The following PYURF variants were observed in gnomAD, a reference collection of about 807,000 sequenced individuals.
The protein encoded by PYURF is protein preY, mitochondrial.
In PYURF, 9 loss-of-function variants were observed where a neutral mutation model predicts 8.0. That is an observed-to-expected ratio of 1.13 (90% CI 0.68 to 1.97). PYURF has a LOEUF of 1.97. Ranked by LOEUF, PYURF falls within the 30% of genes most tolerant of loss-of-function variation. The probability of loss-of-function intolerance (pLI) is 0.00; values close to 1 mark genes in which losing one functional copy is unlikely to be tolerated. For synonymous variants in PYURF, 56 were observed against 68.3 expected, an observed-to-expected ratio of 0.82 and a Z score of 0.89; for missense variants, 130 against 158.0, an observed-to-expected ratio of 0.82 and a Z score of 0.95.
At position 88,521,717 on chromosome 4, in the gene PYURF, A is replaced by G. The variant is rs1742373640; in HGVS notation, c.*171T>C. 1 of 1,613,848 alleles carries G rather than the reference A, an allele frequency of 6.2e-7. No individual in the cohort carries two copies. The highest frequency in any genetic ancestry group is 8.5e-7 in the Non-Finnish European group (1 of 1,179,862). On this transcript the variant is annotated 3_prime_UTR_variant, in exon 2 of 2. Transcript: ENST00000273968. ...CCCTGTGGGAAGTTTTCTTCCACAG[A>G]GGCTGAGTAGAACAGTCCTGCTAAA...
chr4:88,523,711 C>T lies in PYURF; in HGVS notation c.-11G>A. On this transcript the variant is annotated 5_prime_UTR_variant, in exon 1 of 2. Coordinates refer to ENST00000273968, the MANE Select transcript of PYURF (RefSeq NM_032906.5). ...TGCTCCACTCAGCATGGTCTGGCAG[C>T]CGGAGACCAGGCCTCACCGCAGCCT... The T allele has an allele frequency of 1.4e-6, 2 of 1,456,390 alleles. No individual in the cohort carries two copies. Among genetic ancestry groups the T allele is most frequent in the South Asian group, 2.8e-5 (2 of 71,220 alleles). 90.2% of individuals were successfully genotyped at this position (1,456,390 alleles called of 1,614,324 possible).
intron 1 of PYURF, among the ~76,000 whole-genome samples, chr4:88,522,782 G>A (rs1742416753): frequency 6.6e-6 from 1 of 152,190 alleles, no homozygotes; most frequent in African/African-American, 2.4e-5. Flanking sequence ...AAACCTGCTA[G>A]GCCACAACTA....
Position 88,521,443 on chromosome 4 carries a change from CCA to C in PYURF, c.*443_*444del. 1 of 786,362 alleles carries C rather than the reference CCA, an allele frequency of 1.3e-6. No homozygotes were observed. Among genetic ancestry groups the C allele is most frequent in the South Asian group, 1.9e-5 (1 of 51,374 alleles). 48.7% of individuals were successfully genotyped at this position (786,362 alleles called of 1,614,324 possible). A position where few individuals can be genotyped will look rare whatever the true frequency, so the allele number is the denominator to read the frequency against. ...AAGAAGCATCTGCAACTTAAGCCTC[CCA>C]CAGTCCTAAGCCTGATATGCGCAAA... is the stretch of plus-strand genomic sequence containing the variant. On this transcript the variant is annotated 3_prime_UTR_variant, in exon 2 of 2. Transcript: ENST00000273968.
intron 1 of PYURF, 118 bp downstream of exon 1, chr4:88,523,380 G>T: frequency 9.5e-7 from 1 of 1,050,970 alleles, no homozygotes; most frequent in Non-Finnish European, 1.4e-6. Flanking sequence ...CCAGAATGTG[G>T]CAGCGGAGAG....
rs1344307872 is a variant in PYURF, at chr4:88,523,548, A to C, written c.153T>G (p.Asp51Glu). Reference sequence around the variant, plus strand: ...ACACCAGGAACTCCAGCAGCGCCGGATCGAAGTCGCGGGGCGGCTCCTCAG... The same window carrying C: ...ACACCAGGAACTCCAGCAGCGCCGGCTCGAAGTCGCGGGGCGGCTCCTCAG... ...KKTEEPPRDF[D>E]PALLEFLVCP... is the part of the protein sequence containing the mutation. The change falls in exon 1 of 2, where the codon GAT becomes GAG. Residue 51 changes from aspartate (D) to glutamate (E), a missense_variant. By Grantham distance (45) the Asp-to-Glu change is conservative. Transcript: ENST00000273968. The C allele has an allele frequency of 6.4e-7, 1 of 1,551,088 alleles. No individual in the cohort carries two copies.
chr4:88,521,816 C>A lies in PYURF; in HGVS notation c.*72G>T. ...CTTCTCTTCCACTTATTACCTGCCA[C>A]TGTGTTTTAAAAGGTATATGGTATT... On this transcript the variant is annotated 3_prime_UTR_variant, in exon 2 of 2. Coordinates refer to ENST00000273968, the MANE Select transcript of PYURF (RefSeq NM_032906.5). 2 of 1,597,710 alleles carry A rather than the reference C, an allele frequency of 1.3e-6. No individual in the cohort carries two copies.
At chr4:88,523,108 G>GA (rs200779771) in intron 1 of PYURF, among the ~76,000 whole-genome samples, 36 of 124,484 alleles carry the variant, frequency 2.9e-4, no homozygotes, top group African/African-American at 6.1e-4. Context: ...CTCTTAAAAG[G>GA]AAAAAAAAAA....
intron 1 of PYURF, 115 bp downstream of exon 1, chr4:88,523,383 G>C (rs1742449983): frequency 9.3e-7 from 1 of 1,079,060 alleles, no homozygotes; most frequent in Non-Finnish European, 1.4e-6. Flanking sequence ...GAATGTGGCA[G>C]CGGAGAGTAC....
intron 1 of PYURF, among the ~76,000 whole-genome samples, chr4:88,522,915 G>C (rs1237754546): frequency 6.6e-6 from 1 of 152,124 alleles, no homozygotes; most frequent in Non-Finnish European, 1.5e-5. Flanking sequence ...CTTAAAAACC[G>C]GAAGGCTTCG....
Position 88,521,926 on chromosome 4 carries a change from G to C in PYURF, c.307C>G (p.Arg103Gly). Residue 103 changes from arginine to glycine, a missense_variant, in exon 2 of 2, where the codon CGT becomes GGT. Physicochemically the swap from Arg to Gly is moderately radical, Grantham distance 125. Coordinates refer to ENST00000273968, the MANE Select transcript of PYURF (RefSeq NM_032906.5). ...NMIPQAARMT[R>G]QSKKQEEVEQ... Reference sequence around the variant, plus strand: ...ACTTCTTCTTGCTTCTTACTTTGACGTGTCATCCTAGCTGCCTGTGGTATC... The same window carrying C: ...ACTTCTTCTTGCTTCTTACTTTGACCTGTCATCCTAGCTGCCTGTGGTATC... The C allele has an allele frequency of 1.3e-6, 2 of 1,551,118 alleles. No homozygotes were observed. The highest frequency in any genetic ancestry group is 1.7e-6 in the Non-Finnish European group (2 of 1,146,870).
intron 1 of PYURF, among the ~76,000 whole-genome samples, chr4:88,523,219 G>C (rs937558379): frequency 6.6e-6 from 1 of 152,206 alleles, no homozygotes; most frequent in Admixed American, 6.5e-5. Flanking sequence ...AACGGTCCCC[G>C]GGTGATTGCA....
At chr4:88,522,206 C>A (rs1365322731) in intron 1 of PYURF, among the ~76,000 whole-genome samples, 177 bp from the exon 2 acceptor site, 2 of 152,202 alleles carry the variant, frequency 1.3e-5, no homozygotes, top group African/African-American at 2.4e-5. Context: ...TAGAAAAATT[C>A]TCTTACAATC....
In PYURF at chr4:88,521,855, T is replaced by C. The variant is rs1386019529; in HGVS notation, c.*33A>G. The C allele has an allele frequency of 1.9e-6, 3 of 1,551,830 alleles. No homozygotes were observed. The highest frequency in any genetic ancestry group is 2.4e-5 in the East Asian group (1 of 41,908). The stretch of plus-strand genomic sequence containing the variant: ...GTATATGGTATTAAGAAAAGTTGGC[T>C]GTTGCGTTTTTTTAATTTTTTTAAA... On this transcript the variant is annotated 3_prime_UTR_variant, in exon 2 of 2. Transcript: ENST00000273968.
Position 88,521,892 on chromosome 4 carries a change from C to T in PYURF, c.341G>A (p.Arg114His), listed in dbSNP as rs1313767900. ...QSKKQEEVEQ[R>H] ...TTAATTTTTTTAAATTATGAACTAG[C>T]GCTGCTCCACTTCTTCTTGCTTCTT... The change falls in exon 2 of 2, where the codon CGC (arginine) becomes CAC (histidine). Residue 114 changes from arginine (R) to histidine (H), a missense_variant. Coordinates refer to ENST00000273968, the MANE Select transcript of PYURF (RefSeq NM_032906.5). 1.5e-5 allele frequency: 23 copies of T among 1,550,216 alleles called. No individual in the cohort carries two copies. Among genetic ancestry groups the T allele is most frequent in the South Asian group, 1.4e-4 (12 of 83,582 alleles).
At position 88,523,678 on chromosome 4, in the gene PYURF, C is replaced by T; in HGVS notation, c.23G>A (p.Arg8Lys). Residue 8 changes from arginine to lysine, a missense_variant, in exon 1 of 2, where the codon AGG (arginine) becomes AAG (lysine). Arg to Lys is a conservative substitution (Grantham distance 26, BLOSUM62 2). Coordinates refer to ENST00000273968, the MANE Select transcript of PYURF (RefSeq NM_032906.5). MLSGARC[R>K]LASALRGTRA... ...CGTTCCCCGCAGCGCTGAGGCGAGC[C>T]TGCAGCGTGCTCCACTCAGCATGGT... The T allele has an allele frequency of 1.3e-6, 2 of 1,516,182 alleles. No individual in the cohort carries two copies. The highest frequency in any genetic ancestry group is 1.8e-6 in the Non-Finnish European group (2 of 1,137,448). The allele number at this position is 1,516,182 out of a possible 1,614,324, so 93.9% of individuals were successfully genotyped here.
chr4:88,523,271 C>A (rs1256009183), intron 1 of PYURF, among the ~76,000 whole-genome samples: 1 of 152,222 alleles, frequency 6.6e-6, no homozygotes, highest in Non-Finnish European at 1.5e-5. Context: ...TCGAGCCATT[C>A]CCGCAGGCTG....
rs1742366585 is a variant in PYURF at position 88,521,446 on chromosome 4, C to T, written c.*442G>A. On this transcript the variant is annotated 3_prime_UTR_variant, in exon 2 of 2. Transcript: ENST00000273968. ...AAGCATCTGCAACTTAAGCCTCCCA[C>T]AGTCCTAAGCCTGATATGCGCAAAG... 2 of 796,826 alleles carry T rather than the reference C, an allele frequency of 2.5e-6. No individual in the cohort carries two copies. The allele number at this position is 796,826 out of a possible 1,614,324, so 49.4% of individuals were successfully genotyped here. A position where few individuals can be genotyped will look rare whatever the true frequency, so the allele number is the denominator to read the frequency against.
chr4:88,523,729 C>G lies in PYURF; in HGVS notation c.-29G>C. 2 of 1,415,356 alleles carry G rather than the reference C, an allele frequency of 1.4e-6. No individual in the cohort carries two copies. Among genetic ancestry groups the G allele is most frequent in the Non-Finnish European group, 9.2e-7 (1 of 1,092,282 alleles). The allele number at this position is 1,415,356 out of a possible 1,614,324, so 87.7% of individuals were successfully genotyped here. ...CTGGCAGCCGGAGACCAGGCCTCAC[C>G]GCAGCCTCGCCACCCGTGGCCGAGC... On this transcript the variant is annotated 5_prime_UTR_variant, in exon 1 of 2. Coordinates refer to ENST00000273968, the MANE Select transcript of PYURF (RefSeq NM_032906.5).
chr4:88,523,717 A>C lies in PYURF; in HGVS notation c.-17T>G. 3 of 1,428,402 alleles carry C rather than the reference A, an allele frequency of 2.1e-6. No individual in the cohort carries two copies. The highest frequency in any genetic ancestry group is 2.7e-6 in the Non-Finnish European group (3 of 1,098,952). The allele number at this position is 1,428,402 out of a possible 1,614,324, so 88.5% of individuals were successfully genotyped here. On this transcript the variant is annotated 5_prime_UTR_variant, in exon 1 of 2. Transcript: ENST00000273968. The stretch of plus-strand genomic sequence containing the variant: ...ACTCAGCATGGTCTGGCAGCCGGAG[A>C]CCAGGCCTCACCGCAGCCTCGCCAC...
Sources: allele counts gnomAD v4.1 joint callset (sites outside exome capture counted in the v4.1 genomes callset), GRCh38; gene constraint gnomAD v4.1.1; transcripts MANE v1.5; gene names NCBI Gene and HGNC (gene_info 2026-07-23, HGNC 2026-07-21).